The following BABAM2 variants were observed in gnomAD, a reference collection of about 807,000 sequenced individuals.
BABAM2 encodes the protein BRISC and BRCA1 A complex member 2, also known as BRISC and BRCA1-A complex member 2.
A neutral mutation model predicts 54.7 loss-of-function variants in BABAM2; 31 were observed. That is an observed-to-expected ratio of 0.57 (90% CI 0.43 to 0.77). The LOEUF (loss-of-function observed/expected upper bound fraction) is 0.77, where lower values mean the gene tolerates loss of function less well. Among genes scored for constraint, BABAM2 ranks in the 30% least tolerant of loss-of-function variants. The pLI, the probability that BABAM2 is intolerant of heterozygous loss-of-function variation, is 0.00. For synonymous variants in BABAM2, 167 were observed against 162.9 expected (o/e 1.03, Z -0.19); for missense variants, 364 against 455.8 (o/e 0.80, Z 1.83).
intron 7 of BABAM2, among the ~76,000 whole-genome samples, chr2:28,236,577 G>T (rs1036134524): frequency 6.6e-6 from 1 of 151,942 alleles, no homozygotes; most frequent in South Asian, 2.1e-4. Flanking sequence ...TGTTAGCCAG[G>T]CTGGTCTCAA....
At chr2:28,013,694 T>C (rs75025100) in intron 4 of BABAM2, among the ~76,000 whole-genome samples, 1 of 106,036 alleles carries the variant, frequency 9.4e-6, no homozygotes, top group Admixed American at 1.1e-4. Flanking sequence ...AAAAAGCTCT[T>C]ACACACACAC....
intron 3 of BABAM2, among the ~76,000 whole-genome samples, chr2:27,969,077 C>A (rs753645294): frequency 6.6e-6 from 1 of 152,092 alleles, no homozygotes; most frequent in African/African-American, 2.4e-5. Context: ...ATGCTGTTCT[C>A]GTGATAGTGA....
chr2:28,111,001 C>T (rs1391297696), intron 6 of BABAM2, among the ~76,000 whole-genome samples: 1 of 146,868 alleles, frequency 6.8e-6, no homozygotes, highest in Non-Finnish European at 1.5e-5. Context: ...TGGAATCTCG[C>T]TTTGTCACCC....
intron 6 of BABAM2, among the ~76,000 whole-genome samples, chr2:28,065,957 G>A (rs868630533): frequency 7.4e-4 from 108 of 146,650 alleles, no homozygotes; most frequent in African/African-American, 2.4e-3. Flanking sequence ...CCTGGCCAAC[G>A]TGGTGAAACC....
intron 3 of BABAM2, among the ~76,000 whole-genome samples, chr2:27,954,121 A>G (rs1354661126): frequency 6.6e-6 from 1 of 152,188 alleles, no homozygotes; most frequent in Non-Finnish European, 1.5e-5. Flanking sequence ...CATTCAGTGT[A>G]TAGAAAAGTT....
Position 28,109,350 on chromosome 2 carries a change from G to A in BABAM2, c.571-19921G>A, listed in dbSNP as rs565189423. On this transcript the variant is annotated intron_variant, in intron 6 of 11. Coordinates refer to ENST00000379624, the MANE Select transcript of BABAM2 (RefSeq NM_199191.3). Reference sequence around the variant, plus strand: ...ACTACAGGCGCCCGCCACCATGCCCGGCTAATTTTTTGTATTTTTAGTAGA... The same window carrying A: ...ACTACAGGCGCCCGCCACCATGCCCAGCTAATTTTTTGTATTTTTAGTAGA... 1.6e-3 allele frequency among the ~76,000 whole-genome samples: 240 copies of A among 151,820 alleles called. 3 individuals are homozygous for A. The South Asian group carries it at 0.023, about 14-fold the overall frequency.
At chr2:28,180,331 T>C (rs1272580465) in intron 7 of BABAM2, among the ~76,000 whole-genome samples, 3 of 151,342 alleles carry the variant, frequency 2.0e-5, no homozygotes, top group Non-Finnish European at 4.4e-5. Flanking sequence ...AGCCAACTGG[T>C]TTTTGACAAT....
chr2:28,200,041 T>C (rs191210882), intron 7 of BABAM2, among the ~76,000 whole-genome samples: 13 of 152,348 alleles, frequency 8.5e-5, no homozygotes, highest in African/African-American at 2.2e-4. Context: ...ATGTGCCTTT[T>C]AGGGAAATAT....
intron 7 of BABAM2, among the ~76,000 whole-genome samples, chr2:28,138,033 C>T (rs1670699344): frequency 6.6e-6 from 1 of 152,066 alleles, no homozygotes; most frequent in South Asian, 2.1e-4. Context: ...TCATGATTTC[C>T]AGTTTAACAC....
chr2:27,936,266 T>C (rs1267685797), intron 3 of BABAM2, among the ~76,000 whole-genome samples: 1 of 152,088 alleles, frequency 6.6e-6, no homozygotes, highest in Non-Finnish European at 1.5e-5. Context: ...TCACACCAGT[T>C]AGAATGGCAA....
At chr2:28,176,951 G>T (rs1014900700) in intron 7 of BABAM2, among the ~76,000 whole-genome samples, 1 of 151,940 alleles carries the variant, frequency 6.6e-6, no homozygotes, top group Non-Finnish European at 1.5e-5. Context: ...TGTTCCAGAA[G>T]GTGAAGAGAA....
intron 6 of BABAM2, among the ~76,000 whole-genome samples, chr2:28,106,076 G>A (rs928573340): frequency 4.0e-5 from 6 of 151,676 alleles, no homozygotes; most frequent in African/African-American, 1.5e-4. Flanking sequence ...TGGTGTGATG[G>A]CCTTCACCTC....
chr2:27,889,532 A>G (rs775585505), upstream of BABAM2, among the ~76,000 whole-genome samples: 1 of 152,058 alleles, frequency 6.6e-6, no homozygotes, highest in Admixed American at 6.6e-5. Context: ...ACCTTAATTT[A>G]AAAAAAAGAA....
chr2:28,159,893 A>G (rs1320712366), intron 7 of BABAM2, among the ~76,000 whole-genome samples: 1 of 152,166 alleles, frequency 6.6e-6, no homozygotes, highest in Non-Finnish European at 1.5e-5. Flanking sequence ...AAAAAAAAAA[A>G]AAAATTGCCA....
At chr2:27,895,561 A>G (rs1665226999) in intron 2 of BABAM2, among the ~76,000 whole-genome samples, 1 of 152,202 alleles carries the variant, frequency 6.6e-6, no homozygotes, top group South Asian at 2.1e-4. Context: ...TTTTACTACT[A>G]AGTTAACTTT....
At chr2:28,199,707 G>A (rs1678044400) in intron 7 of BABAM2, among the ~76,000 whole-genome samples, 1 of 152,134 alleles carries the variant, frequency 6.6e-6, no homozygotes, top group African/African-American at 2.4e-5. Context: ...CTTCTGTGGT[G>A]GTCCAGGGCC....
intron 7 of BABAM2, among the ~76,000 whole-genome samples, chr2:28,221,414 C>T (rs1680401030): frequency 6.6e-6 from 1 of 152,096 alleles, no homozygotes; most frequent in Non-Finnish European, 1.5e-5. Flanking sequence ...TGCAGTGTTG[C>T]CCTATTAAAT....
chr2:27,985,829 G>A (rs1219269628), intron 3 of BABAM2, among the ~76,000 whole-genome samples: 4 of 152,090 alleles, frequency 2.6e-5, no homozygotes, highest in African/African-American at 7.2e-5. Context: ...TATCTCACAG[G>A]TAGCTTGTGT....
At chr2:28,132,473 A>G (rs1198569627) in intron 7 of BABAM2, among the ~76,000 whole-genome samples, 1 of 152,044 alleles carries the variant, frequency 6.6e-6, no homozygotes, top group African/African-American at 2.4e-5. Context: ...TCTCCACAGC[A>G]TACCCTTTTA....
Sources: allele counts gnomAD v4.1 joint callset (sites outside exome capture counted in the v4.1 genomes callset), GRCh38; gene constraint gnomAD v4.1.1; transcripts MANE v1.5; gene names NCBI Gene and HGNC (gene_info 2026-07-23, HGNC 2026-07-21).